CWH43: variants seen among roughly 807,000 people sequenced by gnomAD.
CWH43 encodes PGAP2-interacting protein.
In CWH43, 91 loss-of-function variants were observed where a neutral mutation model predicts 85.7. The ratio of observed to expected loss-of-function variants is 1.06; its 90% CI spans 0.90 to 1.26. CWH43 has a LOEUF of 1.26. Among genes scored for constraint, CWH43 ranks in the 50% most tolerant of loss-of-function variants. The pLI, the probability that CWH43 is intolerant of heterozygous loss-of-function variation, is 0.00. For missense variants in CWH43, 869 were observed against 839.2 expected, an observed-to-expected ratio of 1.04 and a Z score of -0.44; for synonymous variants, 323 against 293.6, an observed-to-expected ratio of 1.10 and a Z score of -1.02.
At chr4:48,994,882 C>G in intron 5 of CWH43, 62 bp downstream of exon 5, 1 of 1,319,654 alleles carries the variant, frequency 7.6e-7, no homozygotes, top group Non-Finnish European at 1.1e-6. Context: ...AGCAATGCCT[C>G]CTTTGTCAGA....
chr4:49,050,869 A>T lies in CWH43; in HGVS notation c.2021+20A>T. 1 of 1,589,990 alleles carries T rather than the reference A, an allele frequency of 6.3e-7. No individual in the cohort carries two copies. Among genetic ancestry groups the T allele is most frequent in the Non-Finnish European group, 8.6e-7 (1 of 1,163,916 alleles). On this transcript the variant is annotated intron_variant, in intron 15 of 15. Coordinates refer to ENST00000226432, the MANE Select transcript of CWH43 (RefSeq NM_025087.3). The stretch of plus-strand genomic sequence containing the variant: ...TCCCAGGTGAGTTCCTTTATGCTGT[A>T]GTTCCAGTTATGAGCTACTGCATCC...
chr4:49,036,053 G>A (rs1209234382), intron 12 of CWH43, among the ~76,000 whole-genome samples: 2 of 152,128 alleles, frequency 1.3e-5, no homozygotes, highest in Non-Finnish European at 2.9e-5. Flanking sequence ...CCTTAAGGCC[G>A]AAGGAACAGG....
At chr4:49,010,115 T>A (rs4273436) in intron 8 of CWH43, among the ~76,000 whole-genome samples, 43 of 152,048 alleles carry the variant, frequency 2.8e-4, no homozygotes, top group African/African-American at 1.0e-3. Flanking sequence ...CTGGACTTTT[T>A]TTGGTTGGTA....
chr4:49,061,583 C>T (rs1366691593), intron 15 of CWH43, among the ~76,000 whole-genome samples: 1 of 152,152 alleles, frequency 6.6e-6, no homozygotes, highest in Admixed American at 6.5e-5. Context: ...ACTTATTTTT[C>T]AGCAATGCTA....
At chr4:49,025,142 T>G (rs970282146) in intron 9 of CWH43, among the ~76,000 whole-genome samples, 1 of 152,156 alleles carries the variant, frequency 6.6e-6, no homozygotes, top group African/African-American at 2.4e-5. Flanking sequence ...TCAATTCTAT[T>G]GCTGAGATTT....
intron 15 of CWH43, among the ~76,000 whole-genome samples, chr4:49,058,901 G>T (rs1229719685): frequency 6.6e-6 from 1 of 151,940 alleles, no homozygotes; most frequent in African/African-American, 2.4e-5. Flanking sequence ...TTTTCTTTTT[G>T]TCTTTGATTT....
chr4:49,049,804 A>G (rs1429519313), intron 14 of CWH43, among the ~76,000 whole-genome samples: 1 of 152,106 alleles, frequency 6.6e-6, no homozygotes. Flanking sequence ...TGCCCTGACC[A>G]TCCACCATAA....
intron 14 of CWH43, among the ~76,000 whole-genome samples, chr4:49,049,194 A>T (rs1784719569): frequency 6.6e-6 from 1 of 152,206 alleles, no homozygotes. Context: ...CAGACAATGC[A>T]TTAAGCTGTC....
intron 12 of CWH43, among the ~76,000 whole-genome samples, chr4:49,037,377 C>G (rs752505770): frequency 2.3e-4 from 35 of 152,122 alleles, no homozygotes; most frequent in Admixed American, 4.6e-4. Flanking sequence ...CAAGACCAGC[C>G]TGCCCAACAT....
chr4:49,013,698 G>C (rs1175143456), intron 8 of CWH43, among the ~76,000 whole-genome samples: 1 of 151,998 alleles, frequency 6.6e-6, no homozygotes, highest in African/African-American at 2.4e-5. Context: ...ACTCTGTATT[G>C]GTTTTATTTC....
chr4:49,055,877 A>C (rs553335728), intron 15 of CWH43, among the ~76,000 whole-genome samples: 24 of 151,158 alleles, frequency 1.6e-4, no homozygotes, highest in African/African-American at 5.8e-4. Flanking sequence ...GATTACAGGC[A>C]TGAGCCACTA....
Position 48,994,836 on chromosome 4 carries a change from G to C in CWH43, c.713+16G>C. On this transcript the variant is annotated intron_variant, in intron 5 of 15. Transcript: ENST00000226432. ...ACCCATTTGGGTGAGTTTGGGTTTG[G>C]AAGCAATCACAAAATCGGCAGTTAT... The C allele has an allele frequency of 1.2e-6, 2 of 1,611,356 alleles. No homozygotes were observed. Among genetic ancestry groups the C allele is most frequent in the South Asian group, 2.2e-5 (2 of 91,010 alleles).
intron 14 of CWH43, among the ~76,000 whole-genome samples, chr4:49,046,487 A>G (rs993193332): frequency 7.2e-5 from 11 of 152,176 alleles, no homozygotes; most frequent in African/African-American, 2.7e-4. Context: ...ATAAGAAATG[A>G]CAAGCTATGA....
chr4:49,044,926 T>A, intron 14 of CWH43, 79 bp downstream of exon 14: 1 of 1,098,676 alleles, frequency 9.1e-7, no homozygotes, highest in South Asian at 1.4e-5. Context: ...GAAAAAGAAC[T>A]TTATGGAAGC....
At chr4:49,050,299 G>A (rs1369515257) in intron 14 of CWH43, among the ~76,000 whole-genome samples, 2 of 152,132 alleles carry the variant, frequency 1.3e-5, no homozygotes, top group Non-Finnish European at 2.9e-5. Flanking sequence ...CTTGAAAGTA[G>A]GCTGAAAATA....
chr4:49,030,680 C>G (rs1211392467), intron 10 of CWH43, 145 bp from the exon 11 acceptor site: 2 of 623,752 alleles, frequency 3.2e-6, no homozygotes, highest in African/African-American at 1.9e-5. Flanking sequence ...TGAGCCACTT[C>G]TCTCTAGTGA....
chr4:49,020,007 G>C (rs1007438142), intron 9 of CWH43, among the ~76,000 whole-genome samples: 5 of 152,070 alleles, frequency 3.3e-5, no homozygotes, highest in African/African-American at 1.2e-4. Flanking sequence ...GTCTTATTTT[G>C]TGATCACGTT....
At chr4:49,040,147 G>T (rs907089330) in intron 13 of CWH43, among the ~76,000 whole-genome samples, 2 of 152,074 alleles carry the variant, frequency 1.3e-5, no homozygotes, top group African/African-American at 4.8e-5. Context: ...GTCTATCATT[G>T]TTGGACATTT....
intron 6 of CWH43, 81 bp downstream of exon 6, chr4:48,998,629 A>C (rs960300300): frequency 6.1e-6 from 6 of 981,180 alleles, no homozygotes; most frequent in African/African-American, 1.6e-5. Context: ...ACTCGACTGA[A>C]AGTAGATACA....
Sources: allele counts gnomAD v4.1 joint callset (sites outside exome capture counted in the v4.1 genomes callset), GRCh38; gene constraint gnomAD v4.1.1; transcripts MANE v1.5; gene names NCBI Gene and HGNC (gene_info 2026-07-23, HGNC 2026-07-21).